CACNA1S: variants seen among roughly 807,000 people sequenced by gnomAD.
CACNA1S encodes calcium voltage-gated channel subunit alpha1 S, also known as voltage-dependent L-type calcium channel subunit alpha-1S.
A neutral mutation model predicts 207.4 loss-of-function variants in CACNA1S; 126 were observed. The ratio of observed to expected loss-of-function variants is 0.61; its 90% CI spans 0.53 to 0.70. The LOEUF (loss-of-function observed/expected upper bound fraction) is 0.70, where lower values mean the gene tolerates loss of function less well. Ranked by LOEUF, CACNA1S falls within the 30% of genes least tolerant of loss-of-function variation. The pLI is 0.00. For missense variants in CACNA1S, 2,349 were observed against 2,422.8 expected, an observed-to-expected ratio of 0.97 and a Z score of 0.64; for synonymous variants, 960 against 932.7, an observed-to-expected ratio of 1.03 and a Z score of -0.53.
rs767787190 is a variant in CACNA1S at position 201,047,675 on chromosome 1, T to C, written c.4442-49A>G. The stretch of plus-strand genomic sequence containing the variant: ...TTACCCAGATCACACCAACTGCACT[T>C]GACAAGGCCACCCAGTTCTTTCTGA... On this transcript the variant is annotated intron_variant, in intron 36 of 43. Transcript: ENST00000362061. 10 of 1,194,526 alleles carry C rather than the reference T, an allele frequency of 8.4e-6. No homozygotes were observed. The South Asian group carries it at 1.2e-4, about 15-fold the overall frequency. 74.0% of individuals were successfully genotyped at this position (1,194,526 alleles called of 1,614,324 possible).
chr1:201,100,248 AG>A (rs1269619814), intron 2 of CACNA1S, among the ~76,000 whole-genome samples: 1 of 152,154 alleles, frequency 6.6e-6, no homozygotes, highest in Non-Finnish European at 1.5e-5. Flanking sequence ...TGTTTCACAG[AG>A]GTTGGAAGTG....
intron 2 of CACNA1S, among the ~76,000 whole-genome samples, chr1:201,095,575 T>C (rs1390911585): frequency 6.6e-6 from 1 of 152,214 alleles, no homozygotes; most frequent in African/African-American, 2.4e-5. Flanking sequence ...GATTTTCCCC[T>C]TCCAGATAGA....
At chr1:201,090,810 G>A (rs1257404084) in intron 5 of CACNA1S, among the ~76,000 whole-genome samples, 1 of 152,220 alleles carries the variant, frequency 6.6e-6, no homozygotes, top group Middle Eastern at 3.2e-3. Context: ...TGATGTGAGA[G>A]TCCAGCAGCC....
intron 10 of CACNA1S, among the ~76,000 whole-genome samples, chr1:201,079,608 G>T (rs529587323): frequency 1.6e-5 from 2 of 124,720 alleles, no homozygotes; most frequent in East Asian, 2.6e-4. Flanking sequence ...CGCTTTGACC[G>T]CTCTGGGACC....
Position 201,069,544 on chromosome 1 carries a change from C to A in CACNA1S, c.2418G>T (p.Leu806=). Residue 806 remains leucine, a synonymous_variant, in exon 18 of 44, where the codon CTG becomes CTT. Transcript: ENST00000362061. The part of the protein sequence containing the change: ...VNATWFTNFI[L]LFILLSSAAL... ...CAGCGCTGCTGAGCAGGATGAAGAG[C>A]AGGATGAAGTTGGTAAACCAGGTGG... 5 of 1,581,720 alleles carry A rather than the reference C, an allele frequency of 3.2e-6. No individual in the cohort carries two copies. The highest frequency in any genetic ancestry group is 4.3e-6 in the Non-Finnish European group (5 of 1,164,730).
intron 43 of CACNA1S, 38 bp from the exon 44 acceptor site, chr1:201,040,120 G>A (rs1166806018): frequency 6.2e-7 from 1 of 1,612,940 alleles, no homozygotes; most frequent in Non-Finnish European, 8.5e-7. Context: ...GGTCTTCCTG[G>A]GGAGCCACAT....
At chr1:201,042,494 A>G (rs1660290715) in intron 40 of CACNA1S, among the ~76,000 whole-genome samples, 2 of 151,892 alleles carry the variant, frequency 1.3e-5, no homozygotes, top group South Asian at 4.2e-4. Context: ...CAAGACGACA[A>G]CCCCCTTCAG....
chr1:201,056,435 A>T (rs778358897), intron 28 of CACNA1S, among the ~76,000 whole-genome samples: 2 of 152,194 alleles, frequency 1.3e-5, no homozygotes, highest in Non-Finnish European at 2.9e-5. Flanking sequence ...ACAGGCTGGC[A>T]CAGCCTAAGG....
intron 5 of CACNA1S, among the ~76,000 whole-genome samples, chr1:201,090,991 A>G (rs551843098): frequency 1.3e-5 from 2 of 152,328 alleles, no homozygotes; most frequent in African/African-American, 4.8e-5. Flanking sequence ...GAATTAATAA[A>G]TTAATATTGT....
intron 26 of CACNA1S, 40 bp from the exon 27 acceptor site, chr1:201,059,339 G>A: frequency 7.3e-7 from 1 of 1,369,484 alleles, no homozygotes; most frequent in Non-Finnish European, 1.0e-6. Flanking sequence ...AGGGGGGCCG[G>A]GTTTGCCCAC....
rs753493181 is a variant in CACNA1S, at chr1:201,089,243, C to T, written c.900+15G>A. The T allele has an allele frequency of 1.2e-5, 20 of 1,613,038 alleles. No homozygotes were observed. Among genetic ancestry groups the T allele is most frequent in the East Asian group, 2.2e-5 (1 of 44,898 alleles). On this transcript the variant is annotated intron_variant, in intron 6 of 43. Transcript: ENST00000362061. ...ATGAAGGGAGATGGTTCTGCAGGCG[C>T]GGGCCCAGACCCACCCAGTAAAGGA...
At chr1:201,047,953 A>T (rs942875410) in intron 36 of CACNA1S, among the ~76,000 whole-genome samples, 1 of 152,194 alleles carries the variant, frequency 6.6e-6, no homozygotes, top group African/African-American at 2.4e-5. Context: ...AAATACCCCC[A>T]GGCAGACTTG....
intron 7 of CACNA1S, among the ~76,000 whole-genome samples, chr1:201,086,368 G>A (rs1662039544): frequency 1.3e-5 from 2 of 152,210 alleles, no homozygotes; most frequent in African/African-American, 4.8e-5. Context: ...TTACAGCTAG[G>A]CTTCACTTAA....
intron 8 of CACNA1S, 43 bp downstream of exon 8, chr1:201,085,393 G>T (rs765199198): frequency 3.8e-5 from 61 of 1,613,222 alleles, no homozygotes; most frequent in Non-Finnish European, 4.7e-5. Context: ...AGGTGGGAGT[G>T]AGAGAGTGGG....
At chr1:201,047,326 G>C (rs1012505636) in intron 37 of CACNA1S, 87 bp from the exon 38 acceptor site, 1 of 1,558,732 alleles carries the variant, frequency 6.4e-7, no homozygotes, top group Non-Finnish European at 8.8e-7. Context: ...AGCCAGGCCC[G>C]GGCATGCAAG....
intron 10 of CACNA1S, 68 bp downstream of exon 10, chr1:201,083,094 T>C: frequency 6.4e-7 from 1 of 1,554,588 alleles, no homozygotes; most frequent in Non-Finnish European, 8.9e-7. Context: ...GTGGTGCCAT[T>C]GGCTGATTTT....
intron 11 of CACNA1S, 36 bp downstream of exon 11, chr1:201,077,843 G>T: frequency 6.7e-7 from 1 of 1,492,458 alleles, no homozygotes; most frequent in Non-Finnish European, 9.3e-7. Context: ...GGTGCCTGCC[G>T]GGGACCCGGG....
intron 17 of CACNA1S, among the ~76,000 whole-genome samples, chr1:201,069,816 C>T (rs541964040): frequency 6.6e-6 from 1 of 152,274 alleles, no homozygotes; most frequent in African/African-American, 2.4e-5. Flanking sequence ...CTCCTCCCAG[C>T]CAAGCCCCTC....
At chr1:201,087,748 T>A in intron 7 of CACNA1S, 78 bp downstream of exon 7, 5 of 822,440 alleles carry the variant, frequency 6.1e-6, no homozygotes, top group Non-Finnish European at 1.0e-5. Context: ...TTCTTTTCCC[T>A]CCGTTCCTTT....
Sources: gnomAD v4.1 joint callset for allele counts (sites outside exome capture counted in the v4.1 genomes callset) on GRCh38, gnomAD v4.1.1 for gene constraint, MANE v1.5 for transcripts, NCBI Gene and HGNC (gene_info 2026-07-23, HGNC 2026-07-21) for gene names.